ROBO2: variants seen among roughly 807,000 people sequenced by gnomAD.
ROBO2 encodes roundabout homolog 2.
ROBO2 carries 53 observed loss-of-function variants against 160.8 expected under a neutral mutation model. That is an observed-to-expected ratio of 0.33 (90% CI 0.26 to 0.41). ROBO2 has a LOEUF of 0.41. Ranked by LOEUF, ROBO2 falls within the 10% of genes least tolerant of loss-of-function variation. The pLI is 1.00. For synonymous variants in ROBO2, 664 were observed against 611.7 expected, an observed-to-expected ratio of 1.09 and a Z score of -1.26; for missense variants, 1,577 against 1,722.4, an observed-to-expected ratio of 0.92 and a Z score of 1.49.
rs115509494 is a variant in ROBO2, at chr3:76,527,085, T to C, written c.110-570929T>C. Among the ~76,000 whole-genome samples the C allele has an allele frequency of 5.9e-3, 898 of 152,176 alleles. 10 individuals are homozygous for C. Among genetic ancestry groups the C allele is most frequent in the African/African-American group, 0.02 (835 of 41,542 alleles). On this transcript the variant is annotated intron_variant, in intron 2 of 26. Transcript: ENST00000487694. ...TGTGTGTGGAATTTTATTTTTCTAC[T>C]TCATGTCATCATTACTTTGGAAAGT...
At chr3:76,978,541 A>C (rs1331231593) in intron 2 of ROBO2, among the ~76,000 whole-genome samples, 1 of 152,142 alleles carries the variant, frequency 6.6e-6, no homozygotes, top group Non-Finnish European at 1.5e-5. Flanking sequence ...GATGAGAACT[A>C]TATTGCTCAG....
intron 2 of ROBO2, among the ~76,000 whole-genome samples, chr3:76,988,476 G>A (rs915762676): frequency 6.6e-6 from 1 of 152,182 alleles, no homozygotes; most frequent in Non-Finnish European, 1.5e-5. Flanking sequence ...CAGAAATCTA[G>A]AAGAGAGTGC....
intron 2 of ROBO2, among the ~76,000 whole-genome samples, chr3:76,131,961 G>A (rs2071239124): frequency 6.6e-6 from 1 of 152,018 alleles, no homozygotes; most frequent in Non-Finnish European, 1.5e-5. Flanking sequence ...TACTAGCAAA[G>A]CTAAAAATAA....
chr3:76,816,980 C>A (rs1039815248), intron 2 of ROBO2, among the ~76,000 whole-genome samples: 5 of 152,032 alleles, frequency 3.3e-5, no homozygotes, highest in African/African-American at 1.2e-4. Context: ...AACAGAAAAC[C>A]AAACGCCGCA....
intron 2 of ROBO2, among the ~76,000 whole-genome samples, chr3:76,854,024 C>G (rs2069726906): frequency 6.6e-5 from 1 of 15,066 alleles, no homozygotes; most frequent in South Asian, 1.5e-3. Flanking sequence ...GACTTTCTCT[C>G]TCTCTCTCTC....
intron 2 of ROBO2, among the ~76,000 whole-genome samples, chr3:77,312,458 C>G (rs1001934187): frequency 6.6e-6 from 1 of 152,146 alleles, no homozygotes; most frequent in Non-Finnish European, 1.5e-5. Context: ...TGTCTCTAAC[C>G]AAGGACACAA....
intron 2 of ROBO2, among the ~76,000 whole-genome samples, chr3:76,233,913 G>A (rs1294686819): frequency 1.3e-5 from 2 of 152,144 alleles, no homozygotes; most frequent in Non-Finnish European, 2.9e-5. Context: ...AGATTATTTT[G>A]TCACTCAGGT....
At chr3:76,425,822 G>T (rs951652888) in intron 2 of ROBO2, among the ~76,000 whole-genome samples, 4 of 151,746 alleles carry the variant, frequency 2.6e-5, no homozygotes, top group African/African-American at 7.3e-5. Flanking sequence ...AGAGGACCCA[G>T]TGTGTTTACA....
At chr3:77,119,855 A>C (rs1283905762) in intron 2 of ROBO2, among the ~76,000 whole-genome samples, 2 of 152,208 alleles carry the variant, frequency 1.3e-5, no homozygotes, top group Non-Finnish European at 2.9e-5. Flanking sequence ...TTTTCATGTG[A>C]GCACATTGAC....
chr3:76,179,556 T>A (rs1701398037), intron 2 of ROBO2, among the ~76,000 whole-genome samples: 2 of 152,168 alleles, frequency 1.3e-5, no homozygotes, highest in Non-Finnish European at 1.5e-5. Flanking sequence ...CATCACTGCC[T>A]CCGCTCTTAT....
At chr3:76,139,313 G>A (rs2071545692) in intron 2 of ROBO2, among the ~76,000 whole-genome samples, 2 of 151,938 alleles carry the variant, frequency 1.3e-5, no homozygotes, top group South Asian at 4.1e-4. Flanking sequence ...AAAATTTGAG[G>A]ACAACACAGC....
At chr3:77,116,056 T>A (rs900403439) in intron 2 of ROBO2, among the ~76,000 whole-genome samples, 4 of 152,220 alleles carry the variant, frequency 2.6e-5, no homozygotes, top group African/African-American at 9.6e-5. Flanking sequence ...GGGCTGCCAG[T>A]GCATGGCAGT....
intron 16 of ROBO2, among the ~76,000 whole-genome samples, chr3:77,585,190 T>C (rs976040509): frequency 1.3e-5 from 2 of 151,218 alleles, no homozygotes; most frequent in Non-Finnish European, 3.0e-5. Context: ...GAGCTTTCTG[T>C]TTCTTTTTCT....
At chr3:77,398,069 T>C (rs1487856953) in intron 2 of ROBO2, among the ~76,000 whole-genome samples, 3 of 152,194 alleles carry the variant, frequency 2.0e-5, no homozygotes, top group East Asian at 1.9e-4. Flanking sequence ...TTTTAGAATG[T>C]ATGTATTATA....
chr3:76,856,059 G>C (rs1269486838), intron 2 of ROBO2, among the ~76,000 whole-genome samples: 1 of 152,198 alleles, frequency 6.6e-6, no homozygotes, highest in African/African-American at 2.4e-5. Flanking sequence ...TCTGTTGGCT[G>C]TTGGCACAGA....
At chr3:76,197,646 AT>A (rs919689721) in intron 2 of ROBO2, among the ~76,000 whole-genome samples, 1 of 152,144 alleles carries the variant, frequency 6.6e-6, no homozygotes, top group African/African-American at 2.4e-5. Context: ...TAGTGAAGGT[AT>A]TTTTTTAACA....
chr3:77,596,811 C>A lies in ROBO2; in HGVS notation c.2854+61C>A, dbSNP rs537203459. 31 of 1,580,682 alleles carry A rather than the reference C, an allele frequency of 2.0e-5. No individual in the cohort carries two copies. The African/African-American group carries it at 4.3e-4, about 22-fold the overall frequency. On this transcript the variant is annotated intron_variant, in intron 19 of 25. Transcript: ENST00000461745. ...TCTCTCTCTCTTTTTTTTTTTTTGA[C>A]CTTCCTGGATTTTTTTAAAGAAACA...
intron 2 of ROBO2, among the ~76,000 whole-genome samples, chr3:76,194,418 T>C (rs1247885962): frequency 6.9e-6 from 1 of 145,546 alleles, no homozygotes; most frequent in African/African-American, 2.5e-5. Flanking sequence ...TGTTCACTGG[T>C]AATCTTTATT....
chr3:76,219,649 A>G (rs954810858), intron 2 of ROBO2, among the ~76,000 whole-genome samples: 6 of 152,200 alleles, frequency 3.9e-5, no homozygotes, highest in African/African-American at 1.2e-4. Context: ...ACCAGTTAGA[A>G]TGGCAATCAT....
Sources: gnomAD v4.1 joint callset for allele counts (sites outside exome capture counted in the v4.1 genomes callset) on GRCh38, gnomAD v4.1.1 for gene constraint, MANE v1.5 for transcripts, NCBI Gene and HGNC (gene_info 2026-07-23, HGNC 2026-07-21) for gene names.